Variants in TMEM232 observed in about 807,000 individuals in gnomAD.
TMEM232 encodes the protein transmembrane protein 232.
In TMEM232, 80 loss-of-function variants were observed where a neutral mutation model predicts 78.8. The observed-to-expected ratio is 1.01, with a 90% CI of 0.85 to 1.22. The LOEUF (loss-of-function observed/expected upper bound fraction) is 1.22. TMEM232 is among the 50% of genes most tolerant of loss of function. The probability of loss-of-function intolerance (pLI) is 0.00; values close to 1 mark genes in which losing one functional copy is unlikely to be tolerated. For missense variants in TMEM232, 881 were observed against 742.2 expected (o/e 1.19, Z -2.17); for synonymous variants, 297 against 254.3 (o/e 1.17, Z -1.60).
intron 12 of TMEM232, among the ~76,000 whole-genome samples, chr5:110,426,477 G>T (rs1446392633): frequency 6.6e-6 from 1 of 152,072 alleles, no homozygotes; most frequent in Non-Finnish European, 1.5e-5. Context: ...CAAGCCATCA[G>T]TAAGAGTCTA....
intron 12 of TMEM232, among the ~76,000 whole-genome samples, chr5:110,481,457 T>C (rs1278645431): frequency 6.6e-6 from 1 of 151,956 alleles, no homozygotes; most frequent in Non-Finnish European, 1.5e-5. Flanking sequence ...GTTATGACAA[T>C]AGAAAAAAAT....
At chr5:110,431,773 T>C (rs889277362) in intron 12 of TMEM232, among the ~76,000 whole-genome samples, 1 of 151,602 alleles carries the variant, frequency 6.6e-6, no homozygotes, top group Admixed American at 6.6e-5. Context: ...AACAGCAGAT[T>C]AGACATAGCA....
At chr5:110,679,376 G>C (rs1345618596) in intron 1 of TMEM232, among the ~76,000 whole-genome samples, 1 of 152,030 alleles carries the variant, frequency 6.6e-6, no homozygotes, top group East Asian at 1.9e-4. Context: ...CATGTTGCTT[G>C]TTTTTTTCTT....
At chr5:110,489,092 C>T (rs538792315) in intron 12 of TMEM232, among the ~76,000 whole-genome samples, 30 of 151,942 alleles carry the variant, frequency 2.0e-4, no homozygotes, top group African/African-American at 6.7e-4. Flanking sequence ...AAAAGTGCAG[C>T]ATAGAATGGC....
chr5:110,491,561 A>G (rs1765100088), intron 12 of TMEM232, among the ~76,000 whole-genome samples: 1 of 152,054 alleles, frequency 6.6e-6, no homozygotes, highest in Admixed American at 6.6e-5. Flanking sequence ...AATCAAAATA[A>G]TCTGAAATTA....
At chr5:110,393,135 T>C (rs929537438) in intron 3 of TMEM232, among the ~76,000 whole-genome samples, 1 of 152,234 alleles carries the variant, frequency 6.6e-6, no homozygotes, top group Admixed American at 6.5e-5. Flanking sequence ...TGTATTCTGC[T>C]GTAATTGAGT....
rs190834462 is a variant in TMEM232, at chr5:110,483,541, T to C, written c.1703+45047A>G. On this transcript the variant is annotated intron_variant, in intron 12 of 13. Coordinates refer to ENST00000455884, the MANE Select transcript of TMEM232 (RefSeq NM_001039763.4). Reference sequence around the variant, plus strand: ...GCATGTTCTCACTCATAGGTGGGAATTGAACAATGAGAACACATGGACACA... The same window carrying C: ...GCATGTTCTCACTCATAGGTGGGAACTGAACAATGAGAACACATGGACACA... Among the ~76,000 whole-genome samples the C allele has an allele frequency of 2.7e-3, 418 of 152,036 alleles. 2 individuals are homozygous for C. Among genetic ancestry groups the C allele is most frequent in the Non-Finnish European group, 4.3e-3 (291 of 67,992 alleles).
chr5:110,403,512 G>A (rs551626902), intron 2 of TMEM232, among the ~76,000 whole-genome samples: 34 of 152,166 alleles, frequency 2.2e-4, no homozygotes, highest in African/African-American at 7.7e-4. Context: ...AGAGTTGCCA[G>A]GGACCATTCA....
intron 1 of TMEM232, among the ~76,000 whole-genome samples, chr5:110,687,958 T>C (rs1353724888): frequency 6.6e-6 from 1 of 151,984 alleles, no homozygotes; most frequent in Non-Finnish European, 1.5e-5. Context: ...AAAATAAAAA[T>C]GTTTGGTTTG....
chr5:110,689,621 T>C (rs1241048679), intron 1 of TMEM232, among the ~76,000 whole-genome samples: 2 of 152,040 alleles, frequency 1.3e-5, no homozygotes, highest in Admixed American at 6.6e-5. Context: ...TTCACAGAAT[T>C]AGGAGAAAAC....
upstream of TMEM232, chr5:110,738,924 C>T: frequency 7.1e-7 from 1 of 1,400,992 alleles, no homozygotes; most frequent in Non-Finnish European, 9.3e-7. Context: ...TCCCTAGCAA[C>T]CGTGCCCTTT....
chr5:110,639,297 T>C (rs1786339138), intron 4 of TMEM232, among the ~76,000 whole-genome samples: 1 of 152,172 alleles, frequency 6.6e-6, no homozygotes, highest in South Asian at 2.1e-4. Context: ...ATTTTAGTTG[T>C]GAAGAGAGTA....
At chr5:110,532,276 G>A (rs888046456) in intron 11 of TMEM232, among the ~76,000 whole-genome samples, 2 of 151,814 alleles carry the variant, frequency 1.3e-5, no homozygotes, top group Non-Finnish European at 2.9e-5. Context: ...CTCTCTGACT[G>A]ACTCCTTCCC....
intron 12 of TMEM232, among the ~76,000 whole-genome samples, chr5:110,526,025 C>CAAAAA (rs758110596): frequency 1.3e-4 from 6 of 47,804 alleles, no homozygotes; most frequent in Admixed American, 2.5e-4. Context: ...CACCATACAC[C>CAAAAA]AAAAAAAAAA....
chr5:110,535,971 A>C (rs1412854427), intron 11 of TMEM232, among the ~76,000 whole-genome samples: 2 of 152,172 alleles, frequency 1.3e-5, no homozygotes, highest in Non-Finnish European at 2.9e-5. Flanking sequence ...GCAGATGAAA[A>C]ACTGAAAGTA....
At chr5:110,427,953 A>G (rs1757422999) in intron 12 of TMEM232, among the ~76,000 whole-genome samples, 1 of 151,920 alleles carries the variant, frequency 6.6e-6, no homozygotes. Context: ...AGAATGGGTT[A>G]TACACACCCT....
intron 13 of TMEM232, among the ~76,000 whole-genome samples, chr5:110,424,060 G>A (rs751925974): frequency 6.6e-6 from 1 of 152,040 alleles, no homozygotes; most frequent in South Asian, 2.1e-4. Flanking sequence ...GCTGTTGCTA[G>A]AGTGGCTTAA....
intron 10 of TMEM232, among the ~76,000 whole-genome samples, chr5:110,582,202 A>G (rs1778285583): frequency 6.6e-6 from 1 of 151,892 alleles, no homozygotes; most frequent in African/African-American, 2.4e-5. Flanking sequence ...AAAAGACAAC[A>G]TGCACTTGTA....
At chr5:110,594,355 G>A (rs1779893633) in intron 10 of TMEM232, among the ~76,000 whole-genome samples, 1 of 152,132 alleles carries the variant, frequency 6.6e-6, no homozygotes, top group South Asian at 2.1e-4. Flanking sequence ...CAGGGCCCCA[G>A]GTTTCAGGCA....
Sources: gnomAD v4.1 joint callset for allele counts (sites outside exome capture counted in the v4.1 genomes callset) on GRCh38, gnomAD v4.1.1 for gene constraint, MANE v1.5 for transcripts, NCBI Gene and HGNC (gene_info 2026-07-23, HGNC 2026-07-21) for gene names.